Variants in CTNNA3 observed in about 807,000 individuals in gnomAD.
CTNNA3 encodes catenin alpha-3.
In CTNNA3, 76 loss-of-function variants were observed where a neutral mutation model predicts 95.7. The observed-to-expected ratio is 0.79, with a 90% CI of 0.66 to 0.96. CTNNA3 has a LOEUF of 0.96. CTNNA3 is among the 40% of genes least tolerant of loss of function. The probability of loss-of-function intolerance (pLI) is 0.00; values close to 1 mark genes in which losing one functional copy is unlikely to be tolerated. For synonymous variants in CTNNA3, 431 were observed against 374.4 expected (o/e 1.15, Z -1.74); for missense variants, 1,191 against 1,089.8 (o/e 1.09, Z -1.31).
At chr10:66,861,329 T>A (rs187472846) in intron 7 of CTNNA3, among the ~76,000 whole-genome samples, 13 of 152,274 alleles carry the variant, frequency 8.5e-5, no homozygotes, top group Admixed American at 7.8e-4. Context: ...GTTCTGCCCA[T>A]GTCTGCATGT....
At chr10:67,022,799 G>A (rs927523429) in intron 7 of CTNNA3, among the ~76,000 whole-genome samples, 45 of 152,012 alleles carry the variant, frequency 3.0e-4, no homozygotes, top group African/African-American at 1.0e-3. Flanking sequence ...TTAGCCGGGC[G>A]TGGTGGTGCA....
intron 14 of CTNNA3, among the ~76,000 whole-genome samples, chr10:66,078,080 C>T (rs1383470905): frequency 2.0e-5 from 3 of 151,786 alleles, no homozygotes; most frequent in African/African-American, 7.2e-5. Context: ...CTTTTGTCTT[C>T]CAACAACAGG....
intron 5 of CTNNA3, among the ~76,000 whole-genome samples, chr10:67,263,365 G>C (rs1014779435): frequency 6.6e-6 from 1 of 152,090 alleles, no homozygotes; most frequent in African/African-American, 2.4e-5. Flanking sequence ...TCTTTGCCCC[G>C]TTCTGAGAGA....
intron 9 of CTNNA3, among the ~76,000 whole-genome samples, chr10:66,642,279 A>AAACAC (rs1845544939): frequency 1.6e-5 from 1 of 61,338 alleles, no homozygotes; most frequent in African/African-American, 5.4e-5. Context: ...CACACACACA[A>AAACAC]ACACACACAC....
chr10:66,797,673 A>G (rs1589265296), intron 7 of CTNNA3, among the ~76,000 whole-genome samples: 1 of 151,918 alleles, frequency 6.6e-6, no homozygotes, highest in Admixed American at 6.6e-5. Context: ...GGAGAGCTAC[A>G]TTTTAAAAAC....
intron 7 of CTNNA3, among the ~76,000 whole-genome samples, chr10:66,806,439 T>C (rs1248798143): frequency 6.6e-6 from 1 of 152,048 alleles, no homozygotes; most frequent in African/African-American, 2.4e-5. Flanking sequence ...AAATCCAAGC[T>C]TTAATCACTG....
intron 14 of CTNNA3, among the ~76,000 whole-genome samples, chr10:66,077,531 T>A (rs1284837413): frequency 1.3e-5 from 2 of 151,764 alleles, no homozygotes; most frequent in Non-Finnish European, 3.0e-5. Flanking sequence ...CCAATAAAAA[T>A]TAAAACATAA....
chr10:66,293,164 C>T (rs1489580182), intron 12 of CTNNA3, among the ~76,000 whole-genome samples: 2 of 152,088 alleles, frequency 1.3e-5, no homozygotes, highest in Non-Finnish European at 2.9e-5. Context: ...GAAGAATTGT[C>T]CTATAAAGCT....
intron 6 of CTNNA3, among the ~76,000 whole-genome samples, chr10:67,211,347 T>C (rs1421660690): frequency 6.6e-6 from 1 of 151,752 alleles, no homozygotes; most frequent in Non-Finnish European, 1.5e-5. Flanking sequence ...ACAGCAAACC[T>C]TGAACACGAT....
chr10:66,537,868 G>GA lies in CTNNA3; in HGVS notation c.1375-17096dup, dbSNP rs772235238. 5.4e-5 allele frequency among the ~76,000 whole-genome samples: 8 copies of GA among 149,440 alleles called. No individual in the cohort carries two copies. The South Asian group carries it at 6.3e-4, about 12-fold the overall frequency. The stretch of plus-strand genomic sequence containing the variant: ...ATGGGTTAATATTCTCCTCAAAGCA[G>GA]AAAAAAAAAGATCTCCATAGTTCCC... On this transcript the variant is annotated intron_variant, in intron 10 of 17. Coordinates refer to ENST00000433211, the MANE Select transcript of CTNNA3 (RefSeq NM_013266.4).
At position 66,364,740 on chromosome 10, in the gene CTNNA3, C is replaced by T. The variant is rs545057442; in HGVS notation, c.1732+14412G>A. 1.3e-4 allele frequency among the ~76,000 whole-genome samples: 20 copies of T among 152,146 alleles called. No homozygotes were observed. In the East Asian group the frequency reaches 1.7e-3, roughly 13 times the overall value. On this transcript the variant is annotated intron_variant, in intron 12 of 17. Coordinates refer to ENST00000433211, the MANE Select transcript of CTNNA3 (RefSeq NM_013266.4). ...CAGATATGGGGCCCATAGAGTTTAACGTATTTTCACAATTATATCACAGTA... is the reference window on the plus strand; with the variant it reads ...CAGATATGGGGCCCATAGAGTTTAATGTATTTTCACAATTATATCACAGTA...
chr10:65,958,521 GT>G (rs1297694500), intron 17 of CTNNA3, among the ~76,000 whole-genome samples: 1 of 152,146 alleles, frequency 6.6e-6, no homozygotes, highest in Non-Finnish European at 1.5e-5. Context: ...CATCTTTGTG[GT>G]TTTATCTACC....
At chr10:67,727,896 T>C (rs1227147540) in intron 1 of CTNNA3, among the ~76,000 whole-genome samples, 2 of 133,184 alleles carry the variant, frequency 1.5e-5, no homozygotes, top group Admixed American at 8.3e-5. Flanking sequence ...TATTATATTA[T>C]GTATAATATA....
chr10:66,840,741 T>C (rs966535599), intron 7 of CTNNA3, among the ~76,000 whole-genome samples: 22 of 152,032 alleles, frequency 1.4e-4, no homozygotes, highest in Non-Finnish European at 2.8e-4. Context: ...TTTTTAAAAC[T>C]TAAGATACAT....
chr10:67,690,784 G>A (rs909746602), intron 1 of CTNNA3, among the ~76,000 whole-genome samples: 1 of 152,204 alleles, frequency 6.6e-6, no homozygotes, highest in African/African-American at 2.4e-5. Context: ...CTGCAGGTCT[G>A]CGATGAGAAA....
intron 9 of CTNNA3, 33 bp downstream of exon 9, chr10:66,766,231 G>A: frequency 6.2e-7 from 1 of 1,603,946 alleles, no homozygotes; most frequent in Non-Finnish European, 8.5e-7. Flanking sequence ...CATTCTCCTG[G>A]ACTTTAGTGA....
chr10:66,844,224 C>G (rs1843171363), intron 7 of CTNNA3, among the ~76,000 whole-genome samples: 1 of 152,144 alleles, frequency 6.6e-6, no homozygotes, highest in Non-Finnish European at 1.5e-5. Context: ...TACTCTTGTT[C>G]TTTTTGAGTA....
intron 9 of CTNNA3, among the ~76,000 whole-genome samples, chr10:66,685,357 T>A (rs1373147539): frequency 6.6e-3 from 71 of 10,762 alleles, no homozygotes; most frequent in African/African-American, 7.3e-3. Flanking sequence ...ATATATTTTT[T>A]TTTTTTTTTT....
chr10:67,721,016 T>C (rs1291875258), intron 1 of CTNNA3, among the ~76,000 whole-genome samples: 3 of 152,204 alleles, frequency 2.0e-5, no homozygotes. Flanking sequence ...TGCAGAGAGA[T>C]CTACTGTTAG....
Sources: allele counts gnomAD v4.1 joint callset (sites outside exome capture counted in the v4.1 genomes callset), GRCh38; gene constraint gnomAD v4.1.1; transcripts MANE v1.5; gene names NCBI Gene and HGNC (gene_info 2026-07-23, HGNC 2026-07-21).